Variants in STK3 observed in about 807,000 individuals in gnomAD.
STK3 encodes the protein serine/threonine-protein kinase 3.
In STK3, 41 loss-of-function variants were observed where a neutral mutation model predicts 58.0. The ratio of observed to expected loss-of-function variants is 0.71; its 90% confidence interval spans 0.55 to 0.92. The LOEUF is 0.92. Among genes scored for constraint, STK3 ranks in the 40% least tolerant of loss-of-function variants. The pLI, the probability that STK3 is intolerant of heterozygous loss-of-function variation, is 0.00. For synonymous variants in STK3, 170 were observed against 191.0 expected (o/e 0.89, Z 0.91); for missense variants, 479 against 602.7 (o/e 0.79, Z 2.15).
At chr8:98,763,749 T>G (rs1292886662) in intron 3 of STK3, among the ~76,000 whole-genome samples, 1 of 152,110 alleles carries the variant, frequency 6.6e-6, no homozygotes, top group Non-Finnish European at 1.5e-5. Flanking sequence ...CTCAGCTCAC[T>G]GCACCTTCCG....
intron 3 of STK3, among the ~76,000 whole-genome samples, chr8:98,753,712 T>G (rs923622398): frequency 6.6e-6 from 1 of 152,016 alleles, no homozygotes; most frequent in Non-Finnish European, 1.5e-5. Flanking sequence ...ATAATTAAAT[T>G]TTATATTAAA....
intron 6 of STK3, among the ~76,000 whole-genome samples, chr8:98,671,666 C>T (rs1201073367): frequency 1.3e-5 from 2 of 151,898 alleles, no homozygotes; most frequent in African/African-American, 2.4e-5. Flanking sequence ...ACTGCAGCCT[C>T]GACCTCCTGA....
chr8:98,773,274 AGCT>A (rs1831438094), intron 2 of STK3, among the ~76,000 whole-genome samples: 2 of 152,324 alleles, frequency 1.3e-5, no homozygotes, highest in East Asian at 3.8e-4. Context: ...CATCACTAAT[AGCT>A]TTTCTGTCAT....
chr8:98,510,867 A>C (rs926485000), intron 10 of STK3, among the ~76,000 whole-genome samples: 3 of 152,102 alleles, frequency 2.0e-5, no homozygotes, highest in African/African-American at 7.2e-5. Flanking sequence ...AGTAATTGAT[A>C]ATACAGAGAT....
intron 2 of STK3, 76 bp from the exon 3 acceptor site, chr8:98,767,447 C>G (rs1472948353): frequency 2.2e-6 from 3 of 1,343,368 alleles, no homozygotes; most frequent in Non-Finnish European, 3.0e-6. Context: ...TATGAGTTTT[C>G]TGTGGATAGT....
At chr8:98,429,493 T>A in intron 3 of STK3, 4 of 1,038,926 alleles carry the variant, frequency 3.9e-6, no homozygotes, top group Non-Finnish European at 5.8e-6. Flanking sequence ...ACCTTATGGT[T>A]ATGGTGTAAG....
At chr8:98,421,737 C>G (rs942219514) in intron 3 of STK3, among the ~76,000 whole-genome samples, 1 of 152,090 alleles carries the variant, frequency 6.6e-6, no homozygotes, top group African/African-American at 2.4e-5. Flanking sequence ...GATCGCACCA[C>G]TGCACTACAG....
At chr8:98,377,752 C>T (rs1817689608) in intron 2 of STK3, among the ~76,000 whole-genome samples, 1 of 152,144 alleles carries the variant, frequency 6.6e-6, no homozygotes. Flanking sequence ...GGGGCAGTTC[C>T]AGCCTCTTGG....
intron 10 of STK3, among the ~76,000 whole-genome samples, chr8:98,525,148 C>A (rs1224360172): frequency 6.6e-6 from 1 of 152,104 alleles, no homozygotes; most frequent in Non-Finnish European, 1.5e-5. Context: ...TAGCTATTAT[C>A]TTAAGTGAAA....
intron 10 of STK3, among the ~76,000 whole-genome samples, chr8:98,465,211 C>T (rs1311712012): frequency 1.3e-5 from 2 of 152,104 alleles, no homozygotes; most frequent in Non-Finnish European, 2.9e-5. Flanking sequence ...GGTGAGGATG[C>T]TTAGAGAGAT....
At chr8:98,721,227 A>C (rs1827399064) in intron 4 of STK3, 1 of 558,218 alleles carries the variant, frequency 1.8e-6, no homozygotes, top group Non-Finnish European at 2.3e-6. Flanking sequence ...AAACCAAAGT[A>C]AGTTTCAAAT....
At chr8:98,748,509 G>T (rs1829779361) in intron 4 of STK3, among the ~76,000 whole-genome samples, 1 of 151,984 alleles carries the variant, frequency 6.6e-6, no homozygotes, top group Non-Finnish European at 1.5e-5. Flanking sequence ...CAAATTGACT[G>T]AAGTATTTTT....
At chr8:98,843,639 T>C (rs1836080575) in intron 3 of STK3, among the ~76,000 whole-genome samples, 1 of 152,218 alleles carries the variant, frequency 6.6e-6, no homozygotes, top group Non-Finnish European at 1.5e-5. Flanking sequence ...TGGCTCAAAC[T>C]GTCGGCTTGA....
intron 8 of STK3, among the ~76,000 whole-genome samples, chr8:98,561,356 C>T (rs973510789): frequency 2.7e-5 from 4 of 148,100 alleles, no homozygotes; most frequent in Non-Finnish European, 5.9e-5. Context: ...CAAAAATTAA[C>T]TCAAAATGCT....
At position 98,877,732 on chromosome 8, in the gene STK3, C is replaced by T. The variant is rs554421287; in HGVS notation, c.110+5915G>A. Among the ~76,000 whole-genome samples, 302 of 152,204 alleles carry T rather than the reference C, an allele frequency of 2.0e-3. 7 individuals are homozygous for T. The highest frequency in any genetic ancestry group is 1.3e-3 in the Non-Finnish European group (87 of 68,008). On this transcript the variant is annotated intron_variant, in intron 3 of 12. Transcript: ENST00000523601. ...TCCCGACCTCAGGTGATCTGCCCAC[C>T]TCGGCCTCCCAAAGTGTTGGGATTA...
chr8:98,653,502 TAG>T (rs1209922794), intron 6 of STK3, among the ~76,000 whole-genome samples: 2 of 151,452 alleles, frequency 1.3e-5, no homozygotes, highest in Non-Finnish European at 2.9e-5. Flanking sequence ...CTGAAGGAAA[TAG>T]AGACACAAAA....
intron 2 of STK3, among the ~76,000 whole-genome samples, chr8:98,372,487 T>C (rs888972699): frequency 5.3e-5 from 8 of 151,838 alleles, no homozygotes; most frequent in African/African-American, 1.7e-4. Context: ...CCCAGTGGGG[T>C]TTTTTGTTGT....
chr8:98,790,028 CAAAAAAAAA>C (rs530630466), intron 1 of STK3, among the ~76,000 whole-genome samples: 1 of 88,712 alleles, frequency 1.1e-5, no homozygotes, highest in Non-Finnish European at 2.2e-5. Context: ...GACTTCATCT[CAAAAAAAAA>C]AAAAAAAAAA....
At chr8:98,733,654 T>C (rs909993568) in intron 4 of STK3, among the ~76,000 whole-genome samples, 1 of 152,290 alleles carries the variant, frequency 6.6e-6, no homozygotes, top group East Asian at 1.9e-4. Context: ...TGTTAGGCTA[T>C]GTGCATCTCC....
Sources: gnomAD v4.1 joint callset for allele counts (sites outside exome capture counted in the v4.1 genomes callset) on GRCh38, gnomAD v4.1.1 for gene constraint, MANE v1.5 for transcripts, NCBI Gene and HGNC (gene_info 2026-07-23, HGNC 2026-07-21) for gene names.